Variants in PDE11A observed in about 807,000 individuals in gnomAD.
PDE11A encodes dual 3',5'-cyclic-AMP and -GMP phosphodiesterase 11A.
In PDE11A, 100 loss-of-function variants were observed where a neutral mutation model predicts 100.5. The ratio of observed to expected loss-of-function variants is 1.00; its 90% CI spans 0.85 to 1.18. PDE11A has a LOEUF of 1.18. Ranked by LOEUF, PDE11A falls within the 50% of genes most tolerant of loss-of-function variation. The pLI is 0.00. For missense variants in PDE11A, 1,141 were observed against 1,152.6 expected, an observed-to-expected ratio of 0.99 and a Z score of 0.15; for synonymous variants, 381 against 420.8, an observed-to-expected ratio of 0.91 and a Z score of 1.16.
In PDE11A at chr2:178,009,163, G is replaced by C. The variant is rs111951930; in HGVS notation, c.1071+5139C>G. Among the ~76,000 whole-genome samples, 3 of 152,154 alleles carry C rather than the reference G, an allele frequency of 2.0e-5. No individual in the cohort carries two copies. In the East Asian group the frequency reaches 5.8e-4, roughly 29 times the overall value. ...TAGATCACAAATGTTTGCTCCTATC[G>C]AGGTCTCATTATTTTCTTCTTCAAA... On this transcript the variant is annotated intron_variant, in intron 2 of 19. Transcript: ENST00000286063.
At chr2:177,690,013 T>C (rs1453934979) in intron 15 of PDE11A, among the ~76,000 whole-genome samples, 1 of 152,188 alleles carries the variant, frequency 6.6e-6, no homozygotes, top group Non-Finnish European at 1.5e-5. Context: ...AAGAACCGTG[T>C]CCTATCTGCT....
intron 4 of PDE11A, chr2:177,888,531 A>G (rs1242373174): frequency 6.3e-6 from 1 of 158,696 alleles, no homozygotes; most frequent in Non-Finnish European, 1.4e-5. Flanking sequence ...GTAGATAAAG[A>G]TTTTTATAAC....
At chr2:177,714,850 G>A (rs1363175773) in intron 12 of PDE11A, among the ~76,000 whole-genome samples, 2 of 152,036 alleles carry the variant, frequency 1.3e-5, no homozygotes, top group East Asian at 3.8e-4. Context: ...GTCACAGCTT[G>A]TTTCTAGATC....
At chr2:178,071,309 A>T (rs1469222832) in intron 1 of PDE11A, among the ~76,000 whole-genome samples, 2 of 152,242 alleles carry the variant, frequency 1.3e-5, no homozygotes, top group African/African-American at 4.8e-5. Context: ...ATTGGGTGAT[A>T]TATTAACTTC....
At chr2:177,757,618 T>A (rs534334635) in intron 10 of PDE11A, among the ~76,000 whole-genome samples, 7 of 152,314 alleles carry the variant, frequency 4.6e-5, no homozygotes, top group African/African-American at 1.7e-4. Flanking sequence ...CCTGGATAGG[T>A]TGAACAGAGC....
intron 9 of PDE11A, among the ~76,000 whole-genome samples, chr2:177,783,624 C>A (rs1413992038): frequency 6.6e-6 from 1 of 152,164 alleles, no homozygotes. Context: ...TCTTCTGTAA[C>A]TAAAGATGCT....
At chr2:177,891,357 A>T (rs373653921) in intron 4 of PDE11A, among the ~76,000 whole-genome samples, 1 of 152,192 alleles carries the variant, frequency 6.6e-6, no homozygotes, top group Admixed American at 6.5e-5. Flanking sequence ...TTAAGTTCCC[A>T]TATCAGTAAT....
intron 2 of PDE11A, among the ~76,000 whole-genome samples, chr2:177,927,519 C>T (rs981500499): frequency 6.6e-6 from 1 of 152,188 alleles, no homozygotes; most frequent in Admixed American, 6.5e-5. Flanking sequence ...AAAGGTGAAA[C>T]TCTTCCATTA....
intron 19 of PDE11A, among the ~76,000 whole-genome samples, chr2:177,656,772 T>G (rs2105467879): frequency 6.6e-6 from 1 of 152,326 alleles, no homozygotes; most frequent in East Asian, 1.9e-4. Context: ...AGTAGAGGTT[T>G]TACAGAAGTC....
chr2:177,814,581 A>G (rs1189094902), intron 9 of PDE11A, among the ~76,000 whole-genome samples: 2 of 152,222 alleles, frequency 1.3e-5, no homozygotes, highest in Non-Finnish European at 2.9e-5. Context: ...CTGGCACAAA[A>G]TAAAGCATGT....
chr2:177,806,964 C>T (rs1379367339), intron 9 of PDE11A, among the ~76,000 whole-genome samples: 1 of 151,676 alleles, frequency 6.6e-6, no homozygotes, highest in Non-Finnish European at 1.5e-5. Context: ...GTAACTGGGT[C>T]CAGAAAGAGA....
At chr2:177,907,728 T>C (rs2084812765) in intron 2 of PDE11A, among the ~76,000 whole-genome samples, 1 of 152,184 alleles carries the variant, frequency 6.6e-6, no homozygotes, top group Non-Finnish European at 1.5e-5. Flanking sequence ...GTGTTTACTA[T>C]CCAGTATAAT....
rs780131115 is a variant in PDE11A at position 177,711,789 on chromosome 2, G to C, written c.2133C>G (p.Thr711=). 1 of 1,592,368 alleles carries C rather than the reference G, an allele frequency of 6.3e-7. No individual in the cohort carries two copies. Among genetic ancestry groups the C allele is most frequent in the African/African-American group, 1.3e-5 (1 of 74,478 alleles). The change falls in exon 13 of 20, where the codon ACC becomes ACG. Residue 711 remains threonine, a synonymous_variant. Transcript: ENST00000286063. ...CLCHDLDHRG[T]NNAFQAKSGS... ...CTTACTTAGCTTGGAAGGCATTGTTGGTTCCCCTGTGGTCGAGGTCATGAC... is the reference window on the plus strand; with the variant it reads ...CTTACTTAGCTTGGAAGGCATTGTTCGTTCCCCTGTGGTCGAGGTCATGAC...
intron 19 of PDE11A, among the ~76,000 whole-genome samples, chr2:177,637,079 T>A (rs1475250909): frequency 6.6e-6 from 1 of 152,256 alleles, no homozygotes; most frequent in African/African-American, 2.4e-5. Flanking sequence ...GAGGAGTTTC[T>A]ATATATTGAA....
chr2:177,684,429 T>G (rs969797307), intron 15 of PDE11A, among the ~76,000 whole-genome samples: 1 of 152,192 alleles, frequency 6.6e-6, no homozygotes, highest in African/African-American at 2.4e-5. Context: ...ATGTAAAACA[T>G]CCATAATGAA....
At chr2:177,735,451 A>G (rs2081765432) in intron 10 of PDE11A, among the ~76,000 whole-genome samples, 2 of 152,250 alleles carry the variant, frequency 1.3e-5, no homozygotes, top group Admixed American at 6.5e-5. Context: ...AGGCAACAAC[A>G]GGAATGAGCG....
chr2:177,908,656 G>A (rs533585980), intron 2 of PDE11A, among the ~76,000 whole-genome samples: 1 of 152,268 alleles, frequency 6.6e-6, no homozygotes, highest in South Asian at 2.1e-4. Context: ...GGGTCCTGTG[G>A]TGTGCGTCCA....
chr2:177,675,879 G>GTA, intron 16 of PDE11A: 1 of 376,224 alleles, frequency 2.7e-6, no homozygotes, highest in Admixed American at 3.7e-5. Flanking sequence ...AAGAGAATCA[G>GTA]TATATAACAC....
chr2:177,692,483 A>G (rs1370015150), intron 15 of PDE11A, among the ~76,000 whole-genome samples: 2 of 152,200 alleles, frequency 1.3e-5, no homozygotes, highest in African/African-American at 4.8e-5. Flanking sequence ...AGAATGGGTG[A>G]TATGCCTATA....
Sources: allele counts gnomAD v4.1 joint callset (sites outside exome capture counted in the v4.1 genomes callset), GRCh38; gene constraint gnomAD v4.1.1; transcripts MANE v1.5; gene names NCBI Gene and HGNC (gene_info 2026-07-23, HGNC 2026-07-21).